Variants in GHR observed in about 807,000 individuals in gnomAD.
GHR encodes the protein GH receptor.
Under a neutral mutation model 67.1 loss-of-function variants are expected in GHR, and 35 were observed. The observed-to-expected ratio is 0.52, with a 90% CI of 0.40 to 0.69. GHR has a LOEUF of 0.69. Ranked by LOEUF, GHR falls within the 30% of genes least tolerant of loss-of-function variation. The pLI is 0.00. For synonymous variants in GHR, 272 were observed against 269.1 expected, an observed-to-expected ratio of 1.01 and a Z score of -0.10; for missense variants, 792 against 764.6, an observed-to-expected ratio of 1.04 and a Z score of -0.42.
At chr5:42,443,384 G>T (rs1417740896) in intron 1 of GHR, among the ~76,000 whole-genome samples, 1 of 152,142 alleles carries the variant, frequency 6.6e-6, no homozygotes, top group Admixed American at 6.5e-5. Context: ...GCTAAGTGGA[G>T]TGTTTATGAA....
chr5:42,572,619 C>T (rs1750392452), intron 2 of GHR, among the ~76,000 whole-genome samples: 1 of 152,212 alleles, frequency 6.6e-6, no homozygotes, highest in African/African-American at 2.4e-5. Context: ...GCTGCAAATC[C>T]ATTTTTTCTT....
At position 42,718,818 on chromosome 5, in the gene GHR, T is replaced by A; in HGVS notation, c.1311T>A (p.His437Gln). The change falls in exon 10 of 10, where the codon CAT becomes CAA. Residue 437 changes from histidine to glutamine, a missense_variant. By Grantham distance (24) the His-to-Gln change is conservative (BLOSUM62 0). Transcript: ENST00000230882. ...AGAATCAAAATAACTCACCTTATCA[T>A]GATGCTTGCCCTGCTACTCAGCAGC... ...DQKNQNNSPY[H>Q]DACPATQQPS... 6.2e-7 allele frequency: 1 copy of A among 1,614,136 alleles called. No individual in the cohort carries two copies. The highest frequency in any genetic ancestry group is 8.5e-7 in the Non-Finnish European group (1 of 1,180,042).
At chr5:42,458,411 A>AAGCT (rs1177848210) in intron 1 of GHR, among the ~76,000 whole-genome samples, 1 of 152,130 alleles carries the variant, frequency 6.6e-6, no homozygotes, top group Admixed American at 6.5e-5. Context: ...TGGGGCTGGG[A>AAGCT]AGCTAGCTAG....
chr5:42,581,766 C>T (rs1751182697), intron 2 of GHR, among the ~76,000 whole-genome samples: 1 of 152,150 alleles, frequency 6.6e-6, no homozygotes, highest in Non-Finnish European at 1.5e-5. Flanking sequence ...GGTGGGAAGC[C>T]TGACCCTTCT....
chr5:42,661,077 A>AAAGCCTC (rs1159207051), intron 3 of GHR, among the ~76,000 whole-genome samples: 1 of 151,902 alleles, frequency 6.6e-6, no homozygotes, highest in African/African-American at 2.4e-5. Context: ...AAAAAGAAAC[A>AAAGCCTC]AAGCCTCCAA....
Position 42,720,934 on chromosome 5 carries a change from TTG to T in GHR, c.*1512_*1513del, listed in dbSNP as rs1561260010. ...ACATCATTCATTTTTGTTGTTGTTGTTGTTGTTGAGACAGAGTCTCGCTCTGT... is the reference window on the plus strand; with the variant it reads ...ACATCATTCATTTTTGTTGTTGTTGTTTGTTGAGACAGAGTCTCGCTCTGT... On this transcript the variant is annotated 3_prime_UTR_variant, in exon 10 of 10. Transcript: ENST00000230882. 1 of 152,106 alleles carries T rather than the reference TTG, an allele frequency of 6.6e-6. No individual in the cohort carries two copies. Among genetic ancestry groups the T allele is most frequent in the Admixed American group, 6.5e-5 (1 of 15,268 alleles). The allele number at this position is 152,106 out of a possible 1,614,324, so 9.4% of individuals were successfully genotyped here. A position where few individuals can be genotyped will look rare whatever the true frequency, so the allele number is the denominator to read the frequency against.
chr5:42,679,026 CTTATATTAAT>C (rs957896210), intron 3 of GHR, among the ~76,000 whole-genome samples: 1 of 143,294 alleles, frequency 7.0e-6, no homozygotes, highest in Non-Finnish European at 1.5e-5. Context: ...TTCATATTAA[CTTATATTAAT>C]TTATATTAAC....
chr5:42,504,442 G>A (rs1746670272), intron 1 of GHR, among the ~76,000 whole-genome samples: 1 of 152,134 alleles, frequency 6.6e-6, no homozygotes, highest in Non-Finnish European at 1.5e-5. Flanking sequence ...TCAGTCTTCA[G>A]TATAAGCAGT....
intron 1 of GHR, among the ~76,000 whole-genome samples, chr5:42,426,805 T>C (rs1291782527): frequency 1.3e-5 from 2 of 152,162 alleles, no homozygotes; most frequent in African/African-American, 4.8e-5. Context: ...ATAAATAATA[T>C]GTCCCATAAA....
intron 2 of GHR, 81 bp downstream of exon 2, chr5:42,566,025 T>A (rs1749912952): frequency 6.6e-7 from 1 of 1,517,644 alleles, no homozygotes; most frequent in Non-Finnish European, 9.1e-7. Context: ...GTTTTTTGGA[T>A]GATTTTATTA....
At chr5:42,504,543 GA>G (rs1167598038) in intron 1 of GHR, among the ~76,000 whole-genome samples, 6 of 152,006 alleles carry the variant, frequency 3.9e-5, no homozygotes, top group African/African-American at 1.4e-4. Flanking sequence ...GGTAGATCAC[GA>G]GGTCAGGAGA....
At chr5:42,468,920 C>T (rs1744873619) in intron 1 of GHR, 1 of 544,400 alleles carries the variant, frequency 1.8e-6, no homozygotes, top group African/African-American at 2.0e-5. Flanking sequence ...TGCGCCGAGC[C>T]AAGAGCGCGT....
At chr5:42,563,933 C>T (rs1749776816) in intron 1 of GHR, among the ~76,000 whole-genome samples, 1 of 152,068 alleles carries the variant, frequency 6.6e-6, no homozygotes, top group Non-Finnish European at 1.5e-5. Context: ...ATTACATAGC[C>T]TGTTCACCTA....
intron 3 of GHR, among the ~76,000 whole-genome samples, chr5:42,673,133 T>C (rs970484838): frequency 3.9e-5 from 6 of 152,060 alleles, no homozygotes; most frequent in African/African-American, 9.7e-5. Context: ...AGAAGGCATA[T>C]AAACAGCTAA....
chr5:42,711,123 TA>T, intron 6 of GHR, 83 bp from the exon 7 acceptor site: 1 of 991,020 alleles, frequency 1.0e-6, no homozygotes, highest in Non-Finnish European at 1.6e-6. Context: ...CCATTCTGAA[TA>T]AAAATGGGAG....
intron 1 of GHR, among the ~76,000 whole-genome samples, chr5:42,494,648 C>T (rs1225688917): frequency 6.6e-6 from 1 of 152,072 alleles, no homozygotes; most frequent in Non-Finnish European, 1.5e-5. Context: ...CCCAGATTAG[C>T]ACGTATGGGA....
intron 3 of GHR, among the ~76,000 whole-genome samples, chr5:42,639,240 T>G (rs971631893): frequency 3.9e-5 from 6 of 152,190 alleles, no homozygotes; most frequent in African/African-American, 7.2e-5. Flanking sequence ...CATTGTAGTT[T>G]GTAGATCTTT....
chr5:42,611,263 A>G (rs569628533), intron 2 of GHR, among the ~76,000 whole-genome samples: 1 of 152,214 alleles, frequency 6.6e-6, no homozygotes, highest in East Asian at 1.9e-4. Flanking sequence ...ATGGTTGGAA[A>G]AATGTGGTTA....
intron 1 of GHR, among the ~76,000 whole-genome samples, chr5:42,554,030 G>A (rs2112431104): frequency 6.6e-6 from 1 of 152,156 alleles, no homozygotes; most frequent in African/African-American, 2.4e-5. Flanking sequence ...GAGTTCTGTT[G>A]CCACAAAAGT....
Sources: allele counts gnomAD v4.1 joint callset (sites outside exome capture counted in the v4.1 genomes callset), GRCh38; gene constraint gnomAD v4.1.1; transcripts MANE v1.5; gene names NCBI Gene and HGNC (gene_info 2026-07-23, HGNC 2026-07-21).